Variants in DISC1 observed in about 807,000 individuals in gnomAD.
DISC1 encodes the protein DISC1 scaffold protein.
In DISC1, 57 loss-of-function variants were observed where a neutral mutation model predicts 84.5. That is an observed-to-expected ratio of 0.67 (90% CI 0.55 to 0.84). The LOEUF (loss-of-function observed/expected upper bound fraction) is 0.84. Ranked by LOEUF, DISC1 falls within the 40% of genes least tolerant of loss-of-function variation. DISC1 has a pLI of 0.00. For missense variants in DISC1, 1,000 were observed against 1,057.8 expected (o/e 0.95, Z 0.76); for synonymous variants, 411 against 415.2 (o/e 0.99, Z 0.12).
At chr1:231,865,888 A>G (rs2085022387) in intron 9 of DISC1, among the ~76,000 whole-genome samples, 1 of 152,218 alleles carries the variant, frequency 6.6e-6, no homozygotes, top group Admixed American at 6.5e-5. Flanking sequence ...TGGTACTCTA[A>G]AAACAGATTT....
intron 8 of DISC1, among the ~76,000 whole-genome samples, chr1:231,805,879 A>C (rs2079670145): frequency 6.6e-6 from 1 of 152,324 alleles, no homozygotes; most frequent in Admixed American, 6.5e-5. Flanking sequence ...GAGATTTCTC[A>C]GTTTTTGAGT....
At position 231,803,902 on chromosome 1, in the gene DISC1, G is replaced by A. The variant is rs574131003; in HGVS notation, c.1792+3692G>A. ...GCGGAGCTTGCGGTGAGCCCATATC[G>A]CGCCACTACACTCCAGCCTGGGTGA... On this transcript the variant is annotated intron_variant, in intron 8 of 12. Transcript: ENST00000439617. Among the ~76,000 whole-genome samples, 25 of 119,890 alleles carry A rather than the reference G, an allele frequency of 2.1e-4. No homozygotes were observed. In the South Asian group the frequency reaches 3.7e-3, roughly 18 times the overall value. The allele number at this position is 119,890 out of a possible 152,430, so 78.7% of individuals were successfully genotyped here.
At chr1:231,864,187 C>T (rs1021975994) in intron 9 of DISC1, among the ~76,000 whole-genome samples, 4 of 152,186 alleles carry the variant, frequency 2.6e-5, no homozygotes, top group African/African-American at 9.7e-5. Context: ...TCATTATTCT[C>T]ATTTCTGAGG....
chr1:232,034,010 A>T (rs1670291766), intron 12 of DISC1, among the ~76,000 whole-genome samples: 1 of 150,784 alleles, frequency 6.6e-6, no homozygotes, highest in Non-Finnish European at 1.5e-5. Context: ...CCCATTCTGC[A>T]TTTTTTTTTC....
intron 10 of DISC1, among the ~76,000 whole-genome samples, chr1:231,968,518 G>A (rs1661410815): frequency 6.6e-6 from 1 of 150,488 alleles, no homozygotes; most frequent in South Asian, 2.1e-4. Context: ...CGTGAACCCG[G>A]GAGGCGGAGC....
intron 9 of DISC1, among the ~76,000 whole-genome samples, chr1:231,912,187 AG>A (rs1489798410): frequency 1.3e-5 from 2 of 152,190 alleles, no homozygotes; most frequent in Admixed American, 6.5e-5. Context: ...AACTTGTCAA[AG>A]TCATTCTCCG....
intron 9 of DISC1, among the ~76,000 whole-genome samples, chr1:231,932,232 C>T (rs2090710824): frequency 1.3e-5 from 2 of 152,252 alleles, no homozygotes; most frequent in Non-Finnish European, 2.9e-5. Flanking sequence ...GCATAATCAG[C>T]ACCACCTGAT....
intron 9 of DISC1, among the ~76,000 whole-genome samples, chr1:231,915,826 G>A (rs528785189): frequency 2.0e-5 from 3 of 152,302 alleles, no homozygotes; most frequent in African/African-American, 7.2e-5. Flanking sequence ...TTATGTGGAT[G>A]CAGAAGAGAA....
At chr1:231,933,656 T>A (rs1396276227) in intron 9 of DISC1, among the ~76,000 whole-genome samples, 4 of 152,214 alleles carry the variant, frequency 2.6e-5, no homozygotes, top group Non-Finnish European at 5.9e-5. Flanking sequence ...AAAAGGACAT[T>A]GGTGAATTTC....
intron 9 of DISC1, among the ~76,000 whole-genome samples, chr1:231,843,332 C>G (rs2083216456): frequency 6.6e-6 from 1 of 152,018 alleles, no homozygotes; most frequent in Non-Finnish European, 1.5e-5. Context: ...AGCTTCAGCT[C>G]CAGAATTAGG....
intron 9 of DISC1, among the ~76,000 whole-genome samples, chr1:231,822,983 A>G (rs928415674): frequency 1.3e-5 from 2 of 152,220 alleles, no homozygotes; most frequent in African/African-American, 4.8e-5. Context: ...GACACCTCCC[A>G]TTAGGCTCTA....
At chr1:231,934,134 A>G (rs956819386) in intron 9 of DISC1, among the ~76,000 whole-genome samples, 1 of 152,138 alleles carries the variant, frequency 6.6e-6, no homozygotes, top group African/African-American at 2.4e-5. Context: ...GGGAGGGAGA[A>G]TCCAGGCAGG....
At chr1:231,634,398 T>TA (rs549771728) in intron 1 of DISC1, among the ~76,000 whole-genome samples, 6 of 152,112 alleles carry the variant, frequency 3.9e-5, no homozygotes, top group Non-Finnish European at 5.9e-5. Flanking sequence ...ACTGGAAACT[T>TA]AGAGTTGCAA....
At chr1:231,959,346 T>G in intron 10 of DISC1, 1 of 985,956 alleles carries the variant, frequency 1.0e-6, no homozygotes, top group Non-Finnish European at 1.2e-6. Context: ...TTGCTTTTTT[T>G]AAAACCCAAT....
intron 9 of DISC1, among the ~76,000 whole-genome samples, chr1:231,823,249 G>A (rs1297323265): frequency 6.6e-6 from 1 of 152,062 alleles, no homozygotes; most frequent in African/African-American, 2.4e-5. Context: ...TGATGAAAAA[G>A]TAGAACAAAA....
At chr1:231,875,584 A>T (rs1223880173) in intron 9 of DISC1, among the ~76,000 whole-genome samples, 1 of 152,174 alleles carries the variant, frequency 6.6e-6, no homozygotes, top group East Asian at 1.9e-4. Flanking sequence ...TGAGAAAAAG[A>T]GTTGAGATGA....
intron 9 of DISC1, among the ~76,000 whole-genome samples, chr1:231,911,371 G>C (rs1438613720): frequency 6.6e-6 from 1 of 152,068 alleles, no homozygotes; most frequent in Non-Finnish European, 1.5e-5. Context: ...GGCAGGCCTG[G>C]TGGTGACAAA....
At position 231,682,744 on chromosome 1, in the gene DISC1, C is replaced by T. The variant is rs150990115; in HGVS notation, c.68-11082C>T. ...GTTCCTTTCACCCAGCTTCCTCTAACGGTAAGGGCTTATATAATCATGGTG... is the reference window on the plus strand; with the variant it reads ...GTTCCTTTCACCCAGCTTCCTCTAATGGTAAGGGCTTATATAATCATGGTG... On this transcript the variant is annotated intron_variant, in intron 1 of 12. Transcript: ENST00000439617. Among the ~76,000 whole-genome samples, 789 of 152,296 alleles carry T rather than the reference C, an allele frequency of 5.2e-3. 7 individuals carry two copies. Among genetic ancestry groups the T allele is most frequent in the African/African-American group, 0.018 (734 of 41,576 alleles).
intron 6 of DISC1, among the ~76,000 whole-genome samples, chr1:231,775,956 G>A (rs2076933641): frequency 6.6e-6 from 1 of 152,054 alleles, no homozygotes; most frequent in African/African-American, 2.4e-5. Flanking sequence ...AAAGATGGGG[G>A]ACACAGGGAG....
Sources: gnomAD v4.1 joint callset for allele counts (sites outside exome capture counted in the v4.1 genomes callset) on GRCh38, gnomAD v4.1.1 for gene constraint, MANE v1.5 for transcripts, NCBI Gene and HGNC (gene_info 2026-07-23, HGNC 2026-07-21) for gene names.